The following PRKCH variants were observed in gnomAD, a reference collection of about 807,000 sequenced individuals.
The protein encoded by PRKCH is protein kinase C eta.
A neutral mutation model predicts 82.5 loss-of-function variants in PRKCH; 28 were observed. The observed-to-expected ratio is 0.34, with a 90% CI of 0.25 to 0.47. The LOEUF is 0.47. Ranked by LOEUF, PRKCH falls within the 20% of genes least tolerant of loss-of-function variation. PRKCH has a pLI of 1.00. For missense variants in PRKCH, 705 were observed against 881.8 expected, an observed-to-expected ratio of 0.80 and a Z score of 2.54; for synonymous variants, 322 against 327.4, an observed-to-expected ratio of 0.98 and a Z score of 0.18.
chr14:61,520,901 A>G (rs1313277920), intron 10 of PRKCH, among the ~76,000 whole-genome samples: 1 of 152,198 alleles, frequency 6.6e-6, no homozygotes, highest in Non-Finnish European at 1.5e-5. Flanking sequence ...ATGTATCCTA[A>G]ATAAACACTC....
intron 1 of PRKCH, among the ~76,000 whole-genome samples, chr14:61,300,892 A>G (rs558776084): frequency 6.6e-6 from 1 of 152,242 alleles, no homozygotes; most frequent in East Asian, 1.9e-4. Flanking sequence ...TAGAAAATCC[A>G]TTTGCAGAAT....
intron 1 of PRKCH, among the ~76,000 whole-genome samples, chr14:61,351,042 A>G (rs924613648): frequency 3.9e-5 from 6 of 152,312 alleles, no homozygotes; most frequent in African/African-American, 1.2e-4. Context: ...GGGTCCCAGG[A>G]TACATGGGTA....
chr14:61,196,489 T>C (rs184580532), intron 1 of PRKCH, among the ~76,000 whole-genome samples: 1 of 152,144 alleles, frequency 6.6e-6, no homozygotes, highest in Non-Finnish European at 1.5e-5. Flanking sequence ...GAAACTTGAG[T>C]TTAAAATCCT....
intron 2 of PRKCH, among the ~76,000 whole-genome samples, chr14:61,414,588 CTTTTTTT>C (rs1159456993): frequency 2.3e-5 from 3 of 128,310 alleles, no homozygotes; most frequent in Non-Finnish European, 3.3e-5. Flanking sequence ...TTCATTTATT[CTTTTTTT>C]TTTTTTTTTG....
chr14:61,412,426 C>T (rs867385028), intron 2 of PRKCH, among the ~76,000 whole-genome samples: 3 of 152,102 alleles, frequency 2.0e-5, no homozygotes, highest in South Asian at 2.1e-4. Context: ...TTACTTCAAC[C>T]GAACCCATAT....
intron 9 of PRKCH, among the ~76,000 whole-genome samples, chr14:61,462,206 ACGTGGTGAAACCC>A (rs1424596651): frequency 6.6e-6 from 1 of 152,212 alleles, no homozygotes; most frequent in Non-Finnish European, 1.5e-5. Flanking sequence ...AGCCTGGCCA[ACGTGGTGAAACCC>A]CGTCTACTAA....
chr14:61,459,778 G>A (rs1717573092), intron 9 of PRKCH, among the ~76,000 whole-genome samples: 1 of 152,132 alleles, frequency 6.6e-6, no homozygotes, highest in Non-Finnish European at 1.5e-5. Context: ...GCACATATAT[G>A]CATACATGTT....
intron 1 of PRKCH, among the ~76,000 whole-genome samples, chr14:61,373,836 C>T (rs2046394721): frequency 6.6e-6 from 1 of 152,116 alleles, no homozygotes; most frequent in Non-Finnish European, 1.5e-5. Context: ...CTTCTGACCT[C>T]AAGTGATCTG....
intron 1 of PRKCH, among the ~76,000 whole-genome samples, chr14:61,376,108 A>G (rs893094427): frequency 6.6e-6 from 1 of 151,982 alleles, no homozygotes; most frequent in Non-Finnish European, 1.5e-5. Context: ...GGATTTTAAT[A>G]ATCCAAACCT....
At chr14:61,484,720 G>C (rs1020065127) in intron 9 of PRKCH, among the ~76,000 whole-genome samples, 37 of 148,956 alleles carry the variant, frequency 2.5e-4, no homozygotes, top group South Asian at 2.3e-3. Flanking sequence ...GGACTGAGTG[G>C]TATTTCCAAT....
intron 10 of PRKCH, among the ~76,000 whole-genome samples, chr14:61,519,330 T>G (rs1221808639): frequency 1.3e-5 from 2 of 151,136 alleles, no homozygotes; most frequent in Admixed American, 6.6e-5. Flanking sequence ...TAAATAAAAT[T>G]TTTGTAGAGA....
intron 1 of PRKCH, among the ~76,000 whole-genome samples, chr14:61,233,194 C>T (rs912257037): frequency 6.6e-6 from 1 of 152,122 alleles, no homozygotes; most frequent in African/African-American, 2.4e-5. Context: ...GCCAGAGTGT[C>T]AGCCTGGGCA....
At chr14:61,234,751 T>A (rs1395675875) in intron 1 of PRKCH, among the ~76,000 whole-genome samples, 1 of 152,200 alleles carries the variant, frequency 6.6e-6, no homozygotes, top group Admixed American at 6.5e-5. Context: ...TTGCATCTTC[T>A]ACTGTGTAAG....
At chr14:61,548,537 G>C (rs2043288338) in intron 13 of PRKCH, among the ~76,000 whole-genome samples, 1 of 152,232 alleles carries the variant, frequency 6.6e-6, no homozygotes, top group Non-Finnish European at 1.5e-5. Context: ...CAGGAGGAAG[G>C]CAGAGAAGCA....
At chr14:61,241,671 T>A (rs1343159434) in intron 1 of PRKCH, among the ~76,000 whole-genome samples, 8 of 152,202 alleles carry the variant, frequency 5.3e-5, no homozygotes. Flanking sequence ...ATCAACTTGG[T>A]GAAACCTAGA....
intron 1 of PRKCH, among the ~76,000 whole-genome samples, chr14:61,193,390 C>T (rs920151926): frequency 1.3e-5 from 2 of 152,066 alleles, no homozygotes; most frequent in Admixed American, 1.3e-4. Context: ...AAAAATCAAC[C>T]AAGAGGCCTT....
At chr14:61,227,321 G>A (rs983557580) in intron 1 of PRKCH, among the ~76,000 whole-genome samples, 2 of 152,194 alleles carry the variant, frequency 1.3e-5, no homozygotes, top group East Asian at 1.9e-4. Context: ...GTGGCTGGGC[G>A]CGGTGGCTCA....
intron 1 of PRKCH, among the ~76,000 whole-genome samples, chr14:61,347,194 G>T (rs892693742): frequency 6.6e-6 from 1 of 152,168 alleles, no homozygotes; most frequent in African/African-American, 2.4e-5. Flanking sequence ...AGGTGGTTTG[G>T]TTTGTGCCAA....
chr14:61,297,710 A>G (rs2045416223), intron 1 of PRKCH, among the ~76,000 whole-genome samples: 1 of 152,026 alleles, frequency 6.6e-6, no homozygotes, highest in South Asian at 2.1e-4. Context: ...ATCTGACGGG[A>G]AGTGGAGTTC....
Sources: gnomAD v4.1 joint callset for allele counts (sites outside exome capture counted in the v4.1 genomes callset) on GRCh38, gnomAD v4.1.1 for gene constraint, MANE v1.5 for transcripts, NCBI Gene and HGNC (gene_info 2026-07-23, HGNC 2026-07-21) for gene names.